STX8: variants seen among roughly 807,000 people sequenced by gnomAD.
STX8 encodes the protein syntaxin 8, also known as syntaxin-8.
A neutral mutation model predicts 37.5 loss-of-function variants in STX8; 23 were observed. That is an observed-to-expected ratio of 0.61 (90% CI 0.44 to 0.87). The LOEUF is 0.87. Ranked by LOEUF, STX8 falls within the 40% of genes least tolerant of loss-of-function variation. STX8 has a pLI of 0.00. For missense variants in STX8, 313 were observed against 284.7 expected (o/e 1.10, Z -0.71); for synonymous variants, 115 against 99.1 (o/e 1.16, Z -0.95).
intron 7 of STX8, among the ~76,000 whole-genome samples, chr17:9,303,603 T>C (rs1226162501): frequency 6.6e-6 from 1 of 152,238 alleles, no homozygotes; most frequent in African/African-American, 2.4e-5. Context: ...TAAGAAATGT[T>C]GCATATTTTA....
chr17:9,476,861 T>A (rs1906128890), intron 6 of STX8, among the ~76,000 whole-genome samples: 1 of 152,060 alleles, frequency 6.6e-6, no homozygotes, highest in African/African-American at 2.4e-5. Flanking sequence ...TTCTTTTTTT[T>A]GTGAGACAGG....
chr17:9,260,938 G>C (rs978701154), intron 7 of STX8, among the ~76,000 whole-genome samples: 1 of 152,252 alleles, frequency 6.6e-6, no homozygotes, highest in South Asian at 2.1e-4. Context: ...TCGGAAAAGA[G>C]AACGGTGTGA....
At chr17:9,553,446 G>GC (rs1343243335) in intron 3 of STX8, 12 of 152,110 alleles carry the variant, frequency 7.9e-5, no homozygotes, top group African/African-American at 2.9e-4. Context: ...GACTTTTCTG[G>GC]CAACTCCTAG....
At chr17:9,388,237 A>AT (rs1374991113) in intron 6 of STX8, among the ~76,000 whole-genome samples, 2 of 151,342 alleles carry the variant, frequency 1.3e-5, no homozygotes, top group Non-Finnish European at 2.9e-5. Context: ...ACACCAGCTA[A>AT]TTTTTTATAT....
At chr17:9,508,643 G>T (rs1904925304) in intron 4 of STX8, among the ~76,000 whole-genome samples, 1 of 152,140 alleles carries the variant, frequency 6.6e-6, no homozygotes, top group Non-Finnish European at 1.5e-5. Flanking sequence ...TTTTGAACTT[G>T]AAGACAGATC....
At chr17:9,538,006 G>A (rs1865611409) in intron 4 of STX8, among the ~76,000 whole-genome samples, 1 of 152,154 alleles carries the variant, frequency 6.6e-6, no homozygotes, top group South Asian at 2.1e-4. Context: ...TCAGTGTATA[G>A]CACATAGTAG....
At chr17:9,490,038 A>G (rs1026476040) in intron 6 of STX8, among the ~76,000 whole-genome samples, 15 of 152,268 alleles carry the variant, frequency 9.9e-5, no homozygotes, top group African/African-American at 3.6e-4. Flanking sequence ...GGAACTGACC[A>G]ATAACTGAAT....
chr17:9,559,760 A>ATATATATATATAT, intron 2 of STX8, among the ~76,000 whole-genome samples: 26 of 24,500 alleles, frequency 1.1e-3, no homozygotes, highest in East Asian at 2.7e-3. Flanking sequence ...ATATATATAT[A>ATATATATATATAT]TTTTTTTTTT....
At chr17:9,571,636 A>AT (rs1907696148) in intron 1 of STX8, among the ~76,000 whole-genome samples, 1 of 149,696 alleles carries the variant, frequency 6.7e-6, no homozygotes, top group Non-Finnish European at 1.5e-5. Context: ...TGGGCCGGGC[A>AT]TAGGCGTAGT....
At chr17:9,452,805 T>A (rs1247225560) in intron 6 of STX8, among the ~76,000 whole-genome samples, 1 of 136,494 alleles carries the variant, frequency 7.3e-6, no homozygotes, top group Admixed American at 7.7e-5. Flanking sequence ...TGGCCCTTGT[T>A]TTTTTTTCTT....
chr17:9,437,946 T>A (rs1274375558), intron 6 of STX8: 1 of 152,022 alleles, frequency 6.6e-6, no homozygotes, highest in Non-Finnish European at 1.5e-5. Flanking sequence ...TGAAATAAGG[T>A]ATAAAAAGCC....
At chr17:9,489,730 C>T (rs555295888) in intron 6 of STX8, among the ~76,000 whole-genome samples, 9 of 131,854 alleles carry the variant, frequency 6.8e-5, no homozygotes, top group Non-Finnish European at 1.2e-4. Flanking sequence ...ACTCTATCGC[C>T]CAGGCTGGAG....
intron 7 of STX8, among the ~76,000 whole-genome samples, chr17:9,264,598 C>A (rs1907164150): frequency 6.6e-6 from 1 of 152,116 alleles, no homozygotes; most frequent in South Asian, 2.1e-4. Context: ...AGCCACTGCA[C>A]CCAGCCTGAT....
intron 5 of STX8, among the ~76,000 whole-genome samples, chr17:9,492,248 C>T (rs189393395): frequency 4.4e-4 from 67 of 152,232 alleles, no homozygotes; most frequent in African/African-American, 1.5e-3. Flanking sequence ...TTTTTTAAAT[C>T]AGCAGAGGAT....
At chr17:9,543,377 T>C (rs895570605) in intron 4 of STX8, among the ~76,000 whole-genome samples, 7 of 150,982 alleles carry the variant, frequency 4.6e-5, no homozygotes, top group South Asian at 2.1e-4. Context: ...CACTGCAACC[T>C]CCACCTCCCA....
chr17:9,494,407 TC>T (rs1335120171), intron 5 of STX8, among the ~76,000 whole-genome samples: 1 of 151,270 alleles, frequency 6.6e-6, no homozygotes, highest in African/African-American at 2.4e-5. Context: ...AGCGGGCAGA[TC>T]ACTTAAGCCC....
chr17:9,542,819 G>C (rs1906338470), intron 4 of STX8, among the ~76,000 whole-genome samples: 1 of 152,270 alleles, frequency 6.6e-6, no homozygotes, highest in Admixed American at 6.5e-5. Flanking sequence ...TGGGGTTCGG[G>C]TTGGAAAATT....
chr17:9,430,675 A>T (rs1485025060), intron 6 of STX8, among the ~76,000 whole-genome samples: 1 of 138,826 alleles, frequency 7.2e-6, no homozygotes, highest in Non-Finnish European at 1.5e-5. Flanking sequence ...TTTGAGACAG[A>T]GTCTCGCTCT....
chr17:9,336,180 G>T (rs1177592104), intron 7 of STX8, among the ~76,000 whole-genome samples: 1 of 152,140 alleles, frequency 6.6e-6, no homozygotes, highest in Non-Finnish European at 1.5e-5. Context: ...TCGGTATGAG[G>T]ATTCAACACC....
Sources: gnomAD v4.1 joint callset for allele counts (sites outside exome capture counted in the v4.1 genomes callset) on GRCh38, gnomAD v4.1.1 for gene constraint, MANE v1.5 for transcripts, NCBI Gene and HGNC (gene_info 2026-07-23, HGNC 2026-07-21) for gene names.